CPNE4: variants seen among roughly 807,000 people sequenced by gnomAD.
CPNE4 encodes the protein copine-4.
A neutral mutation model predicts 67.9 loss-of-function variants in CPNE4; 25 were observed. The observed-to-expected ratio is 0.37, with a 90% CI of 0.27 to 0.51. CPNE4 has a LOEUF of 0.51. CPNE4 is among the 20% of genes least tolerant of loss of function. The probability of loss-of-function intolerance (pLI) is 0.93; values close to 1 mark genes in which losing one functional copy is unlikely to be tolerated. For missense variants in CPNE4, 464 were observed against 690.8 expected (o/e 0.67, Z 3.68); for synonymous variants, 242 against 244.9 (o/e 0.99, Z 0.11).
intron 7 of CPNE4, among the ~76,000 whole-genome samples, chr3:131,598,029 G>A (rs368628059): frequency 6.6e-6 from 1 of 152,214 alleles, no homozygotes; most frequent in Non-Finnish European, 1.5e-5. Context: ...TAATAAACTG[G>A]TTAATTATTA....
At chr3:131,634,844 G>A (rs1347005499) in intron 7 of CPNE4, among the ~76,000 whole-genome samples, 3 of 152,106 alleles carry the variant, frequency 2.0e-5, no homozygotes, top group Non-Finnish European at 4.4e-5. Flanking sequence ...TGGAAAATGG[G>A]GGGATTCAGT....
chr3:131,792,702 CACACACGTGTATATATGT>C (rs1560322950), intron 2 of CPNE4, among the ~76,000 whole-genome samples: 177 of 34,408 alleles, frequency 5.1e-3, no homozygotes, highest in Middle Eastern at 0.026. Flanking sequence ...TATACATATA[CACACACGTGTATATATGT>C]ATATATATAC....
intron 10 of CPNE4, among the ~76,000 whole-genome samples, chr3:131,574,611 G>A (rs144517351): frequency 6.6e-6 from 1 of 152,070 alleles, no homozygotes; most frequent in Non-Finnish European, 1.5e-5. Flanking sequence ...TGAACTGTTT[G>A]TATGGCTTAC....
intron 7 of CPNE4, among the ~76,000 whole-genome samples, chr3:131,643,312 C>T (rs2079582864): frequency 6.6e-6 from 1 of 152,134 alleles, no homozygotes; most frequent in South Asian, 2.1e-4. Flanking sequence ...CAAAGGGGAT[C>T]ATTTTGGAAC....
At chr3:131,850,527 CT>C (rs1461584673) in intron 2 of CPNE4, among the ~76,000 whole-genome samples, 3 of 152,118 alleles carry the variant, frequency 2.0e-5, no homozygotes, top group Non-Finnish European at 2.9e-5. Context: ...ATAAATGCTT[CT>C]TTTCAAGTGT....
At chr3:131,734,801 G>A (rs1368442901) in intron 2 of CPNE4, among the ~76,000 whole-genome samples, 1 of 152,088 alleles carries the variant, frequency 6.6e-6, no homozygotes, top group Non-Finnish European at 1.5e-5. Context: ...TGAGGTGGGA[G>A]AATCACCTGA....
chr3:132,012,172 C>CA (rs1345723171), intron 1 of CPNE4, among the ~76,000 whole-genome samples: 36 of 85,674 alleles, frequency 4.2e-4, no homozygotes, highest in African/African-American at 1.3e-3. Context: ...TTTGCTTTTT[C>CA]GTTTTTTTTT....
chr3:131,664,299 GA>G (rs2080204994), intron 7 of CPNE4, among the ~76,000 whole-genome samples: 1 of 152,076 alleles, frequency 6.6e-6, no homozygotes, highest in Non-Finnish European at 1.5e-5. Context: ...AATCTATTCT[GA>G]ACATCAACAT....
At chr3:131,672,257 T>A (rs1239598552) in intron 6 of CPNE4, among the ~76,000 whole-genome samples, 3 of 152,142 alleles carry the variant, frequency 2.0e-5, no homozygotes, top group African/African-American at 7.2e-5. Flanking sequence ...TGCTTCCAAA[T>A]CTTAGCTATT....
intron 1 of CPNE4, chr3:132,017,703 G>A (rs2073915116): frequency 6.6e-6 from 1 of 152,278 alleles, no homozygotes; most frequent in Non-Finnish European, 1.5e-5. Context: ...GGCTCAGGGT[G>A]TAGAACTCAA....
chr3:132,005,891 A>G (rs1476395523), intron 1 of CPNE4, among the ~76,000 whole-genome samples: 1 of 152,114 alleles, frequency 6.6e-6, no homozygotes, highest in Non-Finnish European at 1.5e-5. Flanking sequence ...TTTGAAGTCT[A>G]ACAGAGAAAA....
At chr3:131,801,410 A>C (rs1459199420) in intron 2 of CPNE4, among the ~76,000 whole-genome samples, 1 of 54,614 alleles carries the variant, frequency 1.8e-5, no homozygotes, top group African/African-American at 5.0e-5. Context: ...ATAGGTACAT[A>C]TATACGTGTG....
intron 7 of CPNE4, among the ~76,000 whole-genome samples, chr3:131,631,903 T>TC (rs1491469102): frequency 6.7e-6 from 1 of 149,762 alleles, no homozygotes; most frequent in East Asian, 2.0e-4. Flanking sequence ...TTTTCTTTTT[T>TC]CTTTTTTTTT....
intron 7 of CPNE4, among the ~76,000 whole-genome samples, chr3:131,657,406 T>C (rs1488901987): frequency 6.6e-6 from 1 of 152,236 alleles, no homozygotes; most frequent in Non-Finnish European, 1.5e-5. Flanking sequence ...CATTTGATAG[T>C]TCAATGAGAG....
At chr3:131,543,565 T>G (rs1425726326) in intron 14 of CPNE4, among the ~76,000 whole-genome samples, 1 of 152,212 alleles carries the variant, frequency 6.6e-6, no homozygotes, top group Non-Finnish European at 1.5e-5. Flanking sequence ...CAAAATAGAA[T>G]GCAAATTATT....
chr3:131,794,207 A>G (rs1212476749), intron 2 of CPNE4, among the ~76,000 whole-genome samples: 1 of 150,854 alleles, frequency 6.6e-6, no homozygotes, highest in Non-Finnish European at 1.5e-5. Flanking sequence ...TCAAGAAAAT[A>G]CTCATTGAAA....
chr3:131,951,011 T>A (rs912733089), intron 1 of CPNE4, among the ~76,000 whole-genome samples: 2 of 152,214 alleles, frequency 1.3e-5, no homozygotes, highest in Non-Finnish European at 2.9e-5. Context: ...CTGGTTTGTC[T>A]TGGCTATCCT....
At chr3:131,823,412 A>G (rs2085036499) in intron 2 of CPNE4, among the ~76,000 whole-genome samples, 1 of 152,214 alleles carries the variant, frequency 6.6e-6, no homozygotes, top group African/African-American at 2.4e-5. Flanking sequence ...CCAGCAAGGC[A>G]CAAGCTTGGC....
In CPNE4 at chr3:132,033,028, A is replaced by G. The variant is rs544129674; in HGVS notation, c.-2+1539T>C. Among the ~76,000 whole-genome samples, 8 of 152,288 alleles carry G rather than the reference A, an allele frequency of 5.3e-5. No individual in the cohort carries two copies. The East Asian group carries it at 1.5e-3, about 29-fold the overall frequency. On this transcript the variant is annotated intron_variant, in intron 1 of 15. Coordinates refer to ENST00000429747, the MANE Select transcript of CPNE4 (RefSeq NM_130808.3). Reference sequence around the variant, plus strand: ...TTTTTGTTTTGTTATAAAGCAGAAAATAAAACACAAAGGCCTTTGAGAACA... The same window carrying G: ...TTTTTGTTTTGTTATAAAGCAGAAAGTAAAACACAAAGGCCTTTGAGAACA...
Sources: allele counts gnomAD v4.1 joint callset (sites outside exome capture counted in the v4.1 genomes callset), GRCh38; gene constraint gnomAD v4.1.1; transcripts MANE v1.5; gene names NCBI Gene and HGNC (gene_info 2026-07-23, HGNC 2026-07-21).